Variants in MTMR9 observed in about 807,000 individuals in gnomAD.
MTMR9 encodes myotubularin-related protein 9.
In MTMR9, 39 loss-of-function variants were observed where a neutral mutation model predicts 69.5. The ratio of observed to expected loss-of-function variants is 0.56; its 90% CI spans 0.43 to 0.73. MTMR9 has a LOEUF of 0.73. Among genes scored for constraint, MTMR9 ranks in the 30% least tolerant of loss-of-function variants. MTMR9 has a pLI of 0.00. For missense variants in MTMR9, 900 were observed against 671.2 expected, an observed-to-expected ratio of 1.34 and a Z score of -3.77; for synonymous variants, 354 against 240.8, an observed-to-expected ratio of 1.47 and a Z score of -4.35.
intron 3 of MTMR9, chr8:11,300,385 A>G (rs1799707748): frequency 3.2e-6 from 1 of 312,478 alleles, no homozygotes; most frequent in African/African-American, 2.2e-5. Flanking sequence ...TTTCTAAATT[A>G]AACAGAACGC....
intron 1 of MTMR9, among the ~76,000 whole-genome samples, chr8:11,288,609 G>A (rs138537651): frequency 7.4e-4 from 113 of 152,226 alleles, no homozygotes; most frequent in Middle Eastern, 3.4e-3. Context: ...AGAGAAGAGC[G>A]AAGAGGCCAG....
chr8:11,336,224 G>A, the MTMR9 span, among the ~76,000 whole-genome samples: 2 of 152,180 alleles, frequency 1.3e-5, no homozygotes, highest in Non-Finnish European at 2.9e-5. Flanking sequence ...GCAGTAGCCA[G>A]ATTGGTCTTG....
At chr8:11,329,023 T>G (rs925027805), downstream of MTMR9, among the ~76,000 whole-genome samples, 1 of 152,240 alleles carries the variant, frequency 6.6e-6, no homozygotes, top group Non-Finnish European at 1.5e-5. Context: ...CCCAACACTT[T>G]GTTGAAGAGA....
At chr8:11,292,392 A>G (rs1024666131) in intron 1 of MTMR9, among the ~76,000 whole-genome samples, 1 of 152,168 alleles carries the variant, frequency 6.6e-6, no homozygotes, top group African/African-American at 2.4e-5. Context: ...TATGTGTTTT[A>G]CTTTTTAAGA....
At chr8:11,337,506 T>G in the MTMR9 span, among the ~76,000 whole-genome samples, 1 of 152,242 alleles carries the variant, frequency 6.6e-6, no homozygotes, top group Non-Finnish European at 1.5e-5. Flanking sequence ...ACATCTCAGG[T>G]ACTTGTCACT....
At chr8:11,307,207 G>T (rs1296225791) in intron 5 of MTMR9, among the ~76,000 whole-genome samples, 2 of 152,126 alleles carry the variant, frequency 1.3e-5, no homozygotes, top group Non-Finnish European at 2.9e-5. Flanking sequence ...AAGTAGCTGG[G>T]ACTACAGGTG....
intron 4 of MTMR9, 100 bp downstream of exon 4, chr8:11,305,114 A>G (rs1356808452): frequency 1.7e-6 from 2 of 1,167,134 alleles, no homozygotes; most frequent in African/African-American, 1.5e-5. Context: ...CACTGAAATG[A>G]TTGTCCAGGT....
downstream of MTMR9, chr8:11,331,173 C>T: frequency 6.2e-7 from 1 of 1,613,408 alleles, no homozygotes; most frequent in Non-Finnish European, 8.5e-7. Flanking sequence ...CTCCGCTCCA[C>T]CCAGCCTCCG....
Position 11,327,853 on chromosome 8 carries a change from AAAG to A in MTMR9, c.*5066_*5068del, listed in dbSNP as rs1297130999. 2 of 152,622 alleles carry A rather than the reference AAAG, an allele frequency of 1.3e-5. No individual in the cohort carries two copies. Among genetic ancestry groups the A allele is most frequent in the Non-Finnish European group, 2.9e-5 (2 of 68,036 alleles). The allele number at this position is 152,622 out of a possible 1,614,324, so 9.5% of individuals were successfully genotyped here. A position where few individuals can be genotyped will look rare whatever the true frequency, so the allele number is the denominator to read the frequency against. On this transcript the variant is annotated 3_prime_UTR_variant, in exon 10 of 10. Coordinates refer to ENST00000221086, the MANE Select transcript of MTMR9 (RefSeq NM_015458.4). ...ATACATACAGTCTTAGGGAAAAAAA[AAAG>A]CAGAACTTTTGTAAGTCTGTGTAAC...
intron 2 of MTMR9, chr8:11,298,902 G>C (rs942179124): frequency 1.9e-5 from 19 of 983,048 alleles, no homozygotes; most frequent in Admixed American, 1.8e-4. Context: ...GGGGCTGATA[G>C]AGTTATTGCC....
At chr8:11,321,070 T>A (rs1800663117) in intron 9 of MTMR9, 1 of 164,448 alleles carries the variant, frequency 6.1e-6, no homozygotes, top group African/African-American at 2.4e-5. Flanking sequence ...AGTTTCTGTC[T>A]CTTCTCTGGA....
chr8:11,335,754 C>G, the MTMR9 span, among the ~76,000 whole-genome samples: 1 of 152,190 alleles, frequency 6.6e-6, no homozygotes, highest in Non-Finnish European at 1.5e-5. Flanking sequence ...TTACCTTGAT[C>G]TCTGCCTTCA....
At chr8:11,337,565 G>C in the MTMR9 span, among the ~76,000 whole-genome samples, 1 of 152,140 alleles carries the variant, frequency 6.6e-6, no homozygotes, top group African/African-American at 2.4e-5. Context: ...GAAGTGGTCC[G>C]GTGTGATAGT....
chr8:11,334,136 G>T, the MTMR9 span, among the ~76,000 whole-genome samples: 326 of 152,294 alleles, frequency 2.1e-3, 1 homozygote, highest in Non-Finnish European at 3.9e-3. Flanking sequence ...CCAGCTTCCA[G>T]AGCCTTGAGC....
chr8:11,300,168 CTG>C lies in MTMR9; in HGVS notation c.417+23_417+24del, dbSNP rs1443092081. On this transcript the variant is annotated intron_variant, in intron 3 of 9. Transcript: ENST00000221086. ...TCAGCTGTGAGTTAACTTTTGAGAACTGTGGATTATGAGAAGTAACCCAATAC... is the reference window on the plus strand; with the variant it reads ...TCAGCTGTGAGTTAACTTTTGAGAACTGGATTATGAGAAGTAACCCAATAC... The C allele has an allele frequency of 1.2e-6, 2 of 1,610,452 alleles. No homozygotes were observed. The highest frequency in any genetic ancestry group is 3.3e-5 in the Admixed American group (2 of 59,916).
rs143930079 is a variant in MTMR9, at chr8:11,309,661, C to T, written c.944C>T (p.Ala315Val). ...LTHIKEILTT[A>V]CLAAQCIDRE... ...CACATCAAAGAGATTCTGACAACTG[C>T]CTGCCTAGCGGCTCAGTGCATCGAC... The change falls in exon 6 of 10, where the codon GCC becomes GTC. Residue 315 changes from alanine to valine, a missense_variant. Transcript: ENST00000221086. 5.6e-6 allele frequency: 9 copies of T among 1,613,780 alleles called. No homozygotes were observed. Among genetic ancestry groups the T allele is most frequent in the Middle Eastern group, 1.6e-4 (1 of 6,076 alleles).
At chr8:11,333,362 G>T in the MTMR9 span, among the ~76,000 whole-genome samples, 1 of 152,158 alleles carries the variant, frequency 6.6e-6, no homozygotes, top group Non-Finnish European at 1.5e-5. Context: ...TTTAAATGTT[G>T]AAAGAAAATA....
chr8:11,315,536 A>C (rs926487397), intron 7 of MTMR9, among the ~76,000 whole-genome samples: 2 of 152,226 alleles, frequency 1.3e-5, no homozygotes, highest in African/African-American at 4.8e-5. Flanking sequence ...CTCACTCATA[A>C]CAGGGATTGA....
chr8:11,330,307 C>T (rs1437606344), downstream of MTMR9, among the ~76,000 whole-genome samples: 1 of 150,180 alleles, frequency 6.7e-6, no homozygotes, highest in African/African-American at 2.4e-5. Context: ...GGTCAGCCCC[C>T]ACCCGGCCAG....
Sources: allele counts gnomAD v4.1 joint callset (sites outside exome capture counted in the v4.1 genomes callset), GRCh38; gene constraint gnomAD v4.1.1; transcripts MANE v1.5; gene names NCBI Gene and HGNC (gene_info 2026-07-23, HGNC 2026-07-21).